The following MPZL1 variants were observed in gnomAD, a reference collection of about 807,000 sequenced individuals.
The protein encoded by MPZL1 is myelin protein zero-like protein 1.
A neutral mutation model predicts 29.3 loss-of-function variants in MPZL1; 16 were observed. That is an observed-to-expected ratio of 0.55 (90% confidence interval 0.37 to 0.83). The LOEUF (loss-of-function observed/expected upper bound fraction) is 0.83. MPZL1 is among the 40% of genes least tolerant of loss of function. The pLI, the probability that MPZL1 is intolerant of heterozygous loss-of-function variation, is 0.00. For missense variants in MPZL1, 279 were observed against 332.9 expected (o/e 0.84, Z 1.26); for synonymous variants, 143 against 132.0 (o/e 1.08, Z -0.57).
At chr1:167,752,251 A>T (rs1001855958) in intron 1 of MPZL1, among the ~76,000 whole-genome samples, 4 of 152,250 alleles carry the variant, frequency 2.6e-5, no homozygotes, top group Middle Eastern at 3.4e-3. Flanking sequence ...TGACCTCTTC[A>T]TTTTTCAAAT....
intron 3 of MPZL1, 77 bp from the exon 4 acceptor site, chr1:167,773,159 G>A: frequency 6.9e-6 from 10 of 1,453,394 alleles, no homozygotes; most frequent in Non-Finnish European, 8.5e-6. Context: ...GAAGATACTT[G>A]CTCGTTAATT....
intron 1 of MPZL1, among the ~76,000 whole-genome samples, chr1:167,722,819 T>A (rs1377671130): frequency 6.6e-6 from 1 of 152,048 alleles, no homozygotes; most frequent in Non-Finnish European, 1.5e-5. Flanking sequence ...AAAACGCCAA[T>A]AAAAAAATAT....
chr1:167,753,657 G>A (rs1035765915), intron 1 of MPZL1, among the ~76,000 whole-genome samples: 45 of 150,646 alleles, frequency 3.0e-4, no homozygotes, highest in African/African-American at 1.0e-3. Flanking sequence ...ACGGAGTCTC[G>A]CTCTGTCACC....
At chr1:167,723,413 C>A (rs1660081009) in intron 1 of MPZL1, among the ~76,000 whole-genome samples, 1 of 152,236 alleles carries the variant, frequency 6.6e-6, no homozygotes, top group Non-Finnish European at 1.5e-5. Flanking sequence ...AAAAGTCTCC[C>A]TACCCTCCAG....
intron 1 of MPZL1, among the ~76,000 whole-genome samples, chr1:167,733,818 T>A (rs1010899546): frequency 1.3e-5 from 2 of 151,254 alleles, no homozygotes; most frequent in African/African-American, 4.9e-5. Context: ...GGCAGGAAGA[T>A]TGTTTGAGCC....
intron 1 of MPZL1, among the ~76,000 whole-genome samples, chr1:167,726,721 C>G (rs948193015): frequency 2.6e-4 from 39 of 152,228 alleles, no homozygotes; most frequent in African/African-American, 9.1e-4. Context: ...ATTTTTTACT[C>G]CAACTCCAGG....
At chr1:167,725,928 C>T (rs1219070152) in intron 1 of MPZL1, among the ~76,000 whole-genome samples, 1 of 152,212 alleles carries the variant, frequency 6.6e-6, no homozygotes, top group Non-Finnish European at 1.5e-5. Flanking sequence ...CATCTTGGTT[C>T]GTTTTAATCC....
chr1:167,743,118 G>A (rs746573536), intron 1 of MPZL1, among the ~76,000 whole-genome samples: 6 of 151,744 alleles, frequency 4.0e-5, no homozygotes, highest in Admixed American at 1.3e-4. Context: ...ATGAATTTTA[G>A]GATTGTTTTT....
At chr1:167,749,386 C>A (rs942887339) in intron 1 of MPZL1, among the ~76,000 whole-genome samples, 5 of 152,102 alleles carry the variant, frequency 3.3e-5, no homozygotes, top group Non-Finnish European at 5.9e-5. Context: ...TACAGGCAGC[C>A]AACTCAGTAA....
chr1:167,767,577 G>C (rs1661142834), intron 2 of MPZL1, among the ~76,000 whole-genome samples: 1 of 152,184 alleles, frequency 6.6e-6, no homozygotes, highest in Non-Finnish European at 1.5e-5. Context: ...AGCATGTTCA[G>C]TTATTGACAT....
At chr1:167,746,653 T>C (rs1448277041) in intron 1 of MPZL1, among the ~76,000 whole-genome samples, 2 of 152,130 alleles carry the variant, frequency 1.3e-5, no homozygotes, top group African/African-American at 2.4e-5. Flanking sequence ...AGAAGCCTGT[T>C]TGTGGGCAAG....
intron 1 of MPZL1, among the ~76,000 whole-genome samples, chr1:167,748,535 CAT>C (rs1293294808): frequency 1.3e-5 from 2 of 152,144 alleles, no homozygotes; most frequent in Admixed American, 6.5e-5. Flanking sequence ...ATACAAGTCT[CAT>C]ATATGATTTG....
At chr1:167,723,191 A>G (rs72697763) in intron 1 of MPZL1, among the ~76,000 whole-genome samples, 6,717 of 152,314 alleles carry the variant, frequency 0.044, 200 homozygotes, top group Middle Eastern at 0.13. Flanking sequence ...CTGCTAAGAA[A>G]CCACGTAGAT....
intron 1 of MPZL1, among the ~76,000 whole-genome samples, chr1:167,728,234 A>G (rs1446359692): frequency 6.6e-6 from 1 of 150,972 alleles, no homozygotes; most frequent in Non-Finnish European, 1.5e-5. Flanking sequence ...TAGTGATGGA[A>G]TTTTGCCATG....
intron 1 of MPZL1, among the ~76,000 whole-genome samples, chr1:167,739,758 A>C (rs989939550): frequency 6.6e-6 from 1 of 152,086 alleles, no homozygotes; most frequent in Non-Finnish European, 1.5e-5. Flanking sequence ...ATCCCTGTTA[A>C]CTACAGTCAC....
At chr1:167,748,145 T>C (rs1445196649) in intron 1 of MPZL1, among the ~76,000 whole-genome samples, 1 of 152,248 alleles carries the variant, frequency 6.6e-6, no homozygotes, top group Non-Finnish European at 1.5e-5. Context: ...GACATGTTTT[T>C]CTCTTGTGTA....
chr1:167,767,792 CTT>C (rs58079089), intron 2 of MPZL1, among the ~76,000 whole-genome samples: 717 of 58,084 alleles, frequency 0.012, 13 homozygotes, highest in African/African-American at 0.042. Context: ...CCCTTTTCTG[CTT>C]TTTTTTTTTT....
At chr1:167,731,794 G>A (rs1337866603) in intron 1 of MPZL1, among the ~76,000 whole-genome samples, 1 of 151,590 alleles carries the variant, frequency 6.6e-6, no homozygotes, top group Non-Finnish European at 1.5e-5. Context: ...GGAGGCAGGA[G>A]GATCACTTGA....
chr1:167,784,692 G>A (rs543336246), intron 5 of MPZL1, among the ~76,000 whole-genome samples: 4 of 152,310 alleles, frequency 2.6e-5, no homozygotes, highest in African/African-American at 9.6e-5. Context: ...ACCTACATCT[G>A]CAGTTTCTCT....
Sources: gnomAD v4.1 joint callset for allele counts (sites outside exome capture counted in the v4.1 genomes callset) on GRCh38, gnomAD v4.1.1 for gene constraint, MANE v1.5 for transcripts, NCBI Gene and HGNC (gene_info 2026-07-23, HGNC 2026-07-21) for gene names.